The following RBPMS variants were observed in gnomAD, a reference collection of about 807,000 sequenced individuals.
The protein encoded by RBPMS is RNA binding protein, mRNA processing factor.
RBPMS carries 7 observed loss-of-function variants against 26.8 expected under a neutral mutation model. The observed-to-expected ratio is 0.26, with a 90% confidence interval of 0.15 to 0.49. RBPMS has a LOEUF of 0.49. Ranked by LOEUF, RBPMS falls within the 20% of genes least tolerant of loss-of-function variation. RBPMS has a pLI of 0.98. For synonymous variants in RBPMS, 96 were observed against 93.3 expected (o/e 1.03, Z -0.17); for missense variants, 186 against 250.0 (o/e 0.74, Z 1.73).
chr8:30,489,028 G>C (rs12548554), intron 4 of RBPMS, among the ~76,000 whole-genome samples: 1 of 151,950 alleles, frequency 6.6e-6, no homozygotes, highest in African/African-American at 2.4e-5. Context: ...TAAATGAGAT[G>C]GTGGGTGTTT....
At chr8:30,385,677 G>A (rs1806974513) in intron 1 of RBPMS, among the ~76,000 whole-genome samples, 1 of 152,128 alleles carries the variant, frequency 6.6e-6, no homozygotes, top group South Asian at 2.1e-4. Context: ...TAACTCATCA[G>A]CCACATTCTT....
intron 5 of RBPMS, among the ~76,000 whole-genome samples, chr8:30,518,990 T>C (rs1254433900): frequency 7.2e-5 from 11 of 152,052 alleles, no homozygotes; most frequent in African/African-American, 2.7e-4. Flanking sequence ...AGTCTCTCCC[T>C]TGTGACTTTG....
chr8:30,530,786 C>A (rs901511480), intron 5 of RBPMS, among the ~76,000 whole-genome samples: 2 of 152,040 alleles, frequency 1.3e-5, no homozygotes, highest in Non-Finnish European at 2.9e-5. Context: ...TTCTTAAACC[C>A]TTTATCTTTT....
chr8:30,549,572 T>A, intron 6 of RBPMS: 1 of 1,613,994 alleles, frequency 6.2e-7, no homozygotes, highest in Non-Finnish European at 8.5e-7. Context: ...CAGCCTGGCC[T>A]GGTTTCCTGT....
intron 1 of RBPMS, among the ~76,000 whole-genome samples, chr8:30,443,093 A>T (rs1813312009): frequency 6.6e-6 from 1 of 152,202 alleles, no homozygotes; most frequent in South Asian, 2.1e-4. Flanking sequence ...GCTCCTCCGT[A>T]CGGAAAGCAG....
chr8:30,567,872 G>A (rs1018738319), intron 8 of RBPMS, among the ~76,000 whole-genome samples: 2 of 152,164 alleles, frequency 1.3e-5, no homozygotes, highest in Non-Finnish European at 2.9e-5. Flanking sequence ...TGTTAAGGTG[G>A]GGCTCACAAT....
chr8:30,569,923 G>A (rs901173632), intron 8 of RBPMS, among the ~76,000 whole-genome samples: 1 of 152,206 alleles, frequency 6.6e-6, no homozygotes, highest in Non-Finnish European at 1.5e-5. Context: ...CCGTCACAGA[G>A]AAGGTCCAGG....
At chr8:30,509,687 C>T (rs951642871) in intron 5 of RBPMS, among the ~76,000 whole-genome samples, 1 of 152,198 alleles carries the variant, frequency 6.6e-6, no homozygotes, top group African/African-American at 2.4e-5. Flanking sequence ...GTCAGTTTCA[C>T]GCCTGCTCTC....
chr8:30,555,090 A>G (rs1246659002), intron 6 of RBPMS, among the ~76,000 whole-genome samples: 1 of 152,162 alleles, frequency 6.6e-6, no homozygotes, highest in African/African-American at 2.4e-5. Flanking sequence ...TAAATGGAAG[A>G]GGATGGAAAT....
chr8:30,516,879 A>G (rs539699768), intron 5 of RBPMS, among the ~76,000 whole-genome samples: 2 of 138,032 alleles, frequency 1.4e-5, no homozygotes, highest in Middle Eastern at 3.7e-3. Flanking sequence ...AGCCTGGCCA[A>G]CATAGCTTGA....
intron 1 of RBPMS, among the ~76,000 whole-genome samples, chr8:30,418,282 A>G (rs1217517075): frequency 6.6e-6 from 1 of 152,022 alleles, no homozygotes; most frequent in Non-Finnish European, 1.5e-5. Context: ...GGATCTTGCT[A>G]TGTTGCTCAG....
Position 30,493,937 on chromosome 8 carries a change from G to A in RBPMS, c.247-10349G>A, listed in dbSNP as rs538257960. On this transcript the variant is annotated intron_variant, in intron 4 of 8. Transcript: ENST00000397323. Reference sequence around the variant, plus strand: ...CTCCTAGGGCATGGTTATATACATAGGGGTGGTTGGCTAACACAAAAAGTA... The same window carrying A: ...CTCCTAGGGCATGGTTATATACATAAGGGTGGTTGGCTAACACAAAAAGTA... 2.2e-3 allele frequency among the ~76,000 whole-genome samples: 330 copies of A among 152,312 alleles called. 1 individual carries two copies. The highest frequency in any genetic ancestry group is 6.8e-3 in the Middle Eastern group (2 of 294).
chr8:30,515,088 C>T (rs1822166240), intron 5 of RBPMS, among the ~76,000 whole-genome samples: 1 of 152,182 alleles, frequency 6.6e-6, no homozygotes, highest in East Asian at 1.9e-4. Flanking sequence ...CCTCTCTCCT[C>T]AGCCTCCAGA....
chr8:30,541,857 C>T (rs1320308935), intron 5 of RBPMS, among the ~76,000 whole-genome samples: 1 of 152,158 alleles, frequency 6.6e-6, no homozygotes, highest in Admixed American at 6.5e-5. Flanking sequence ...TCTCAAGCAA[C>T]GAAAAAGCAA....
chr8:30,562,344 AG>A lies in RBPMS; in HGVS notation c.*7+3389del, dbSNP rs1176968311. 8.0e-5 allele frequency among the ~76,000 whole-genome samples: 12 copies of A among 150,540 alleles called. No homozygotes were observed. In the South Asian group the frequency reaches 8.4e-4, roughly 11 times the overall value. ...AGACTGTCGAAAAAAAAAAAAAAAA[AG>A]AGTATGTAATGTCTCCCGTGGATGA... is the stretch of plus-strand genomic sequence containing the variant. On this transcript the variant is annotated intron_variant, in intron 7 of 8. Coordinates refer to ENST00000397323, the MANE Select transcript of RBPMS (RefSeq NM_001008710.3).
At chr8:30,448,820 A>G (rs936478550) in intron 1 of RBPMS, among the ~76,000 whole-genome samples, 1 of 152,250 alleles carries the variant, frequency 6.6e-6, no homozygotes, top group Admixed American at 6.5e-5. Context: ...ATGTAATAAA[A>G]TGCTTGGCAG....
chr8:30,441,270 A>G (rs74909734), intron 1 of RBPMS, among the ~76,000 whole-genome samples: 54 of 152,152 alleles, frequency 3.5e-4, no homozygotes, highest in Middle Eastern at 3.4e-3. Flanking sequence ...TTGCTCCTAA[A>G]CACTGTTTTG....
intron 1 of RBPMS, among the ~76,000 whole-genome samples, chr8:30,470,411 CCA>C (rs1471499801): frequency 5.3e-5 from 8 of 152,032 alleles, no homozygotes; most frequent in Non-Finnish European, 8.8e-5. Context: ...ATTCTAGATC[CCA>C]GTCACCATAG....
chr8:30,408,977 C>T (rs1808972383), intron 1 of RBPMS, among the ~76,000 whole-genome samples: 1 of 152,068 alleles, frequency 6.6e-6, no homozygotes, highest in Non-Finnish European at 1.5e-5. Flanking sequence ...GCTTTTTTCA[C>T]TTAGCATCAT....
Sources: gnomAD v4.1 joint callset for allele counts (sites outside exome capture counted in the v4.1 genomes callset) on GRCh38, gnomAD v4.1.1 for gene constraint, MANE v1.5 for transcripts, NCBI Gene and HGNC (gene_info 2026-07-23, HGNC 2026-07-21) for gene names.